The following RASGRP4 variants were observed in gnomAD, a reference collection of about 807,000 sequenced individuals.
RASGRP4 encodes the protein RAS guanyl-releasing protein 4.
In RASGRP4, 52 loss-of-function variants were observed where a neutral mutation model predicts 84.4. The ratio of observed to expected loss-of-function variants is 0.62; its 90% confidence interval spans 0.49 to 0.78. The LOEUF is 0.78. Among genes scored for constraint, RASGRP4 ranks in the 30% least tolerant of loss-of-function variants. The probability of loss-of-function intolerance (pLI) is 0.00; values close to 1 mark genes in which losing one functional copy is unlikely to be tolerated. For missense variants in RASGRP4, 760 were observed against 886.9 expected, an observed-to-expected ratio of 0.86 and a Z score of 1.82; for synonymous variants, 356 against 359.1, an observed-to-expected ratio of 0.99 and a Z score of 0.10.
Position 38,418,913 on chromosome 19 carries a change from A to G in RASGRP4, c.664-349T>C, listed in dbSNP as rs1248945136. Among the ~76,000 whole-genome samples, 1 of 152,214 alleles carries G rather than the reference A, an allele frequency of 6.6e-6. No homozygotes were observed. Among genetic ancestry groups the G allele is most frequent in the Non-Finnish European group, 1.5e-5 (1 of 68,046 alleles). On this transcript the variant is annotated intron_variant, in intron 6 of 16. Coordinates refer to ENST00000615439, the MANE Select transcript of RASGRP4 (RefSeq NM_170604.3). This position sits in a 1 kb window ranked among gnomAD's most constrained non-coding sequence, Gnocchi z 4.6. The stretch of plus-strand genomic sequence containing the variant: ...GCCCAGGGTCACACAGGTGTGAGTC[A>G]GGGTGGGCGTCTATATGCTCTTAAC...
intron 2 of RASGRP4, 33 bp downstream of exon 2, chr19:38,421,936 G>A (rs745897397): frequency 1.9e-6 from 3 of 1,587,208 alleles, no homozygotes; most frequent in Non-Finnish European, 2.6e-6. Flanking sequence ...CCGAGGTTAG[G>A]GCCAGGGAGG....
In RASGRP4 at chr19:38,420,213, C is replaced by T; in HGVS notation, c.427G>A (p.Glu143Lys). The T allele has an allele frequency of 1.2e-6, 2 of 1,613,056 alleles. No individual in the cohort carries two copies. The highest frequency in any genetic ancestry group is 1.7e-6 in the Non-Finnish European group (2 of 1,179,524). ...PEVMHQDPQL[E>K]EVIGRFWATV... ...GCCCAGAAACGACCTATGACTTCTT[C>T]TAGCTGGGGATCCTGGTGCATCACC... Residue 143 changes from glutamate to lysine, a missense_variant, in exon 5 of 17, where the codon GAA becomes AAA. Physicochemically the swap from Glu to Lys is moderately conservative, Grantham distance 56. Coordinates refer to ENST00000615439, the MANE Select transcript of RASGRP4 (RefSeq NM_170604.3).
Position 38,413,220 on chromosome 19 carries a change from C to T in RASGRP4, c.1389G>A (p.Leu463=), listed in dbSNP as rs201082138. 4.7e-4 allele frequency: 752 copies of T among 1,613,716 alleles called. 9 individuals are homozygous for T. In the East Asian group the frequency reaches 0.013, roughly 29 times the overall value. Residue 463 remains leucine, a synonymous_variant, in exon 11 of 17, where the codon CTG becomes CTA. Coordinates refer to ENST00000615439, the MANE Select transcript of RASGRP4 (RefSeq NM_170604.3). The surrounding 1 kb of genome is among the most constrained non-coding windows in gnomAD (Gnocchi z 4.7). The part of the protein sequence containing the change: ...GVTPKPDRVT[L]GRHVEQLVES... Reference sequence around the variant, plus strand: ...CCACCAGCTGCTCCACATGCCGACCCAGTGTGACCCTGTCCGGCTTGGGTG... The same window carrying T: ...CCACCAGCTGCTCCACATGCCGACCTAGTGTGACCCTGTCCGGCTTGGGTG...
chr19:38,421,941 G>A, intron 2 of RASGRP4, 28 bp downstream of exon 2: 2 of 1,593,730 alleles, frequency 1.3e-6, no homozygotes, highest in Non-Finnish European at 1.7e-6. Flanking sequence ...GTTAGGGCCA[G>A]GGAGGCTGCT....
intron 8 of RASGRP4, 119 bp downstream of exon 8, chr19:38,416,933 G>C: frequency 1.5e-6 from 1 of 669,644 alleles, no homozygotes. Context: ...ATTTGGAGGA[G>C]CAAGGACTTC....
In RASGRP4 at chr19:38,421,117, G is replaced by C. The variant is rs1205542753; in HGVS notation, c.292C>G (p.Leu98Val). The C allele has an allele frequency of 6.2e-7, 1 of 1,613,688 alleles. No homozygotes were observed. The highest frequency in any genetic ancestry group is 1.3e-5 in the African/African-American group (1 of 74,922). The change falls in exon 3 of 17, where the codon CTG becomes GTG. Residue 98 changes from leucine (L) to valine (V), a missense_variant. Physicochemically the swap from Leu to Val is conservative, Grantham distance 32. Coordinates refer to ENST00000615439, the MANE Select transcript of RASGRP4 (RefSeq NM_170604.3). Reference sequence around the variant, plus strand: ...TATGAGGTCAGCAGGCGGGCAGCCAGGTCGGCGGACGGCAGCACCCAGCTG... The same window carrying C: ...TATGAGGTCAGCAGGCGGGCAGCCACGTCGGCGGACGGCAGCACCCAGCTG... ...MHSWVLPSAD[L>V]AARLLTSYQK...
In RASGRP4 at chr19:38,420,185, G is replaced by A. The variant is rs1971680210; in HGVS notation, c.455C>T (p.Thr152Ile). ...LEEVIGRFWA[T>I]VAREGNSAQR... The stretch of plus-strand genomic sequence containing the variant: ...GGCTGAGTTGCCCTCCCGGGCCACG[G>A]TGGCCCAGAAACGACCTATGACTTC... Residue 152 changes from threonine to isoleucine, a missense_variant, in exon 5 of 17, where the codon ACC becomes ATC. By Grantham distance (89) the Thr-to-Ile change is moderately conservative. Transcript: ENST00000615439. 1 of 1,613,474 alleles carries A rather than the reference G, an allele frequency of 6.2e-7. No individual in the cohort carries two copies. The highest frequency in any genetic ancestry group is 1.3e-5 in the African/African-American group (1 of 75,042).
In RASGRP4 at chr19:38,412,499, C is replaced by G. The variant is rs546893310; in HGVS notation, c.1680+173G>C. 4 of 651,662 alleles carry G rather than the reference C, an allele frequency of 6.1e-6. No individual in the cohort carries two copies. Among genetic ancestry groups the G allele is most frequent in the African/African-American group, 5.5e-5 (3 of 54,848 alleles). 40.4% of individuals were successfully genotyped at this position (651,662 alleles called of 1,614,324 possible). A position where few individuals can be genotyped will look rare whatever the true frequency, so the allele number is the denominator to read the frequency against. ...ACATTATCTGGGATTTTGGGATTATCTGGCATTTGGAGATTATCCAGGATA... is the reference window on the plus strand; with the variant it reads ...ACATTATCTGGGATTTTGGGATTATGTGGCATTTGGAGATTATCCAGGATA... On this transcript the variant is annotated intron_variant, in intron 13 of 16. Coordinates refer to ENST00000615439, the MANE Select transcript of RASGRP4 (RefSeq NM_170604.3). The surrounding 1 kb of genome is among the most constrained non-coding windows in gnomAD (Gnocchi z 4.6).
chr19:38,411,275 C>A, intron 14 of RASGRP4, 26 bp from the exon 15 acceptor site: 1 of 1,613,490 alleles, frequency 6.2e-7, no homozygotes. Flanking sequence ...GGCAGGGGTC[C>A]GATCTGTGTC....
intron 13 of RASGRP4, 152 bp from the exon 14 acceptor site, chr19:38,411,533 G>C (rs1487300171): frequency 1.3e-6 from 1 of 782,634 alleles, no homozygotes; most frequent in Non-Finnish European, 2.0e-6. Flanking sequence ...TGTGGGTGGG[G>C]TACAGTGGCT....
rs1417316528 is a variant in RASGRP4, at chr19:38,413,975, C to T, written c.1231-501G>A. The stretch of plus-strand genomic sequence containing the variant: ...ACAGAGTCTTGCTCTGTCACCCAGG[C>T]TGGAGTGTAGTGGTACGATCTTGGC... On this transcript the variant is annotated intron_variant, in intron 9 of 16. Transcript: ENST00000615439. The surrounding 1 kb of genome is among the most constrained non-coding windows in gnomAD (Gnocchi z 4.7). Among the ~76,000 whole-genome samples the T allele has an allele frequency of 1.3e-5, 2 of 152,204 alleles. No individual in the cohort carries two copies. Among genetic ancestry groups the T allele is most frequent in the Non-Finnish European group, 2.9e-5 (2 of 68,028 alleles).
Position 38,409,143 on chromosome 19 carries a change from T to G in RASGRP4, c.*897A>C, listed in dbSNP as rs185123414. The G allele has an allele frequency of 0.064, 16,624 of 259,966 alleles. 1,033 individuals carry two copies. Among genetic ancestry groups the G allele is most frequent in the African/African-American group, 0.18 (7,516 of 42,122 alleles). 16.1% of individuals were successfully genotyped at this position (259,966 alleles called of 1,614,324 possible). ...GGGGTGTTGGGGTTTGTGAAGGGGT[T>G]GGGGGGGTCTCTGCTCCCTGGGACT... On this transcript the variant is annotated 3_prime_UTR_variant, in exon 17 of 17. Transcript: ENST00000615439.
At chr19:38,423,824 G>A (rs555875929) in intron 1 of RASGRP4, among the ~76,000 whole-genome samples, 46 of 152,034 alleles carry the variant, frequency 3.0e-4, no homozygotes, top group Admixed American at 8.5e-4. Context: ...GCAACAGAGC[G>A]AGTCTTAGTC....
chr19:38,412,842 A>G lies in RASGRP4; in HGVS notation c.1536-26T>C, dbSNP rs780943408. 2.5e-6 allele frequency: 4 copies of G among 1,611,320 alleles called. No homozygotes were observed. The highest frequency in any genetic ancestry group is 1.1e-5 in the South Asian group (1 of 90,880). Reference sequence around the variant, plus strand: ...CTGGGGGCAGAAACTGAGCCTCAGCATGACCTGCCCCAACGTCCTCCAGAC... The same window carrying G: ...CTGGGGGCAGAAACTGAGCCTCAGCGTGACCTGCCCCAACGTCCTCCAGAC... On this transcript the variant is annotated intron_variant, in intron 12 of 16. Transcript: ENST00000615439. This position sits in a 1 kb window ranked among gnomAD's most constrained non-coding sequence, Gnocchi z 4.6.
chr19:38,413,163 C>G lies in RASGRP4; in HGVS notation c.1416+30G>C, dbSNP rs762047199. The G allele has an allele frequency of 8.7e-6, 14 of 1,600,514 alleles. No individual in the cohort carries two copies. The highest frequency in any genetic ancestry group is 1.2e-5 in the Non-Finnish European group (14 of 1,168,766). ...CTACAGATGTCTTCCCTCCTGGCTG[C>G]TGGCGGCCGGGCCACCCTCCCCTCC... On this transcript the variant is annotated intron_variant, in intron 11 of 16. Coordinates refer to ENST00000615439, the MANE Select transcript of RASGRP4 (RefSeq NM_170604.3). This position sits in a 1 kb window ranked among gnomAD's most constrained non-coding sequence, Gnocchi z 4.7.
intron 8 of RASGRP4, among the ~76,000 whole-genome samples, chr19:38,416,722 T>A (rs980344153): frequency 2.6e-5 from 4 of 152,176 alleles, no homozygotes; most frequent in South Asian, 2.1e-4. Context: ...TCCCAGGGCA[T>A]CTTCGGCTTA....
At position 38,412,878 on chromosome 19, in the gene RASGRP4, A is replaced by G. The variant is rs1381452741; in HGVS notation, c.1535+53T>C. 3.7e-6 allele frequency: 6 copies of G among 1,612,890 alleles called. No individual in the cohort carries two copies. The highest frequency in any genetic ancestry group is 1.7e-5 in the Admixed American group (1 of 59,958). The stretch of plus-strand genomic sequence containing the variant: ...CAACGTCCTCCAGACCCAGGAGTCC[A>G]GGCAACCCCAGTGTCCTCATCTTCG... On this transcript the variant is annotated intron_variant, in intron 12 of 16. Transcript: ENST00000615439. The surrounding 1 kb of genome is among the most constrained non-coding windows in gnomAD (Gnocchi z 4.6).
intron 4 of RASGRP4, 116 bp from the exon 5 acceptor site, chr19:38,420,378 G>A (rs1446265747): frequency 1.7e-6 from 2 of 1,173,708 alleles, no homozygotes; most frequent in Non-Finnish European, 2.3e-6. Flanking sequence ...AAATGTGTGT[G>A]GGGGTCCCTG....
Position 38,410,901 on chromosome 19 carries a change from G to C in RASGRP4, c.1950C>G (p.Ser650=). 1 of 1,598,776 alleles carries C rather than the reference G, an allele frequency of 6.3e-7. No homozygotes were observed. The highest frequency in any genetic ancestry group is 8.5e-7 in the Non-Finnish European group (1 of 1,172,698). Residue 650 remains serine (S), a synonymous_variant, in exon 16 of 17, where the codon TCC becomes TCG. Coordinates refer to ENST00000615439, the MANE Select transcript of RASGRP4 (RefSeq NM_170604.3). ...AWTQTESPHP[S]WETDTVPCPV... ...TTCTCCTCACCGTATCTGTTTCCCA[G>C]GAAGGGTGTGGGGATTCAGTCTGGG...
Sources: gnomAD v4.1 joint callset for allele counts (sites outside exome capture counted in the v4.1 genomes callset) on GRCh38, gnomAD v4.1.1 for gene constraint, Gnocchi (gnomAD v3.1) non-coding constraint, MANE v1.5 for transcripts, NCBI Gene and HGNC (gene_info 2026-07-23, HGNC 2026-07-21) for gene names.